Variants in CFAP20DC observed in about 807,000 individuals in gnomAD.
CFAP20DC encodes protein CFAP20DC.
Under a neutral mutation model 101.7 loss-of-function variants are expected in CFAP20DC, and 84 were observed. The observed-to-expected ratio is 0.83, with a 90% confidence interval of 0.69 to 0.99. CFAP20DC has a LOEUF of 0.99. Ranked by LOEUF, CFAP20DC falls within the 50% of genes least tolerant of loss-of-function variation. The pLI is 0.00. For missense variants in CFAP20DC, 1,007 were observed against 970.3 expected (o/e 1.04, Z -0.50); for synonymous variants, 359 against 351.2 (o/e 1.02, Z -0.25).
At chr3:58,817,252 C>A (rs977841282) in intron 14 of CFAP20DC, among the ~76,000 whole-genome samples, 1 of 152,188 alleles carries the variant, frequency 6.6e-6, no homozygotes, top group African/African-American at 2.4e-5. Context: ...TCCAAAGGAA[C>A]GCAGTTCCTC....
At chr3:58,940,558 C>G (rs2088399535) in intron 4 of CFAP20DC, among the ~76,000 whole-genome samples, 1 of 152,114 alleles carries the variant, frequency 6.6e-6, no homozygotes, top group South Asian at 2.1e-4. Context: ...TGCCCTGGTA[C>G]TTTGTTGAAA....
At chr3:58,792,035 A>G (rs1232219164) in intron 15 of CFAP20DC, among the ~76,000 whole-genome samples, 1 of 152,204 alleles carries the variant, frequency 6.6e-6, no homozygotes, top group Non-Finnish European at 1.5e-5. Context: ...TAACTACTAT[A>G]GACAATAAAT....
chr3:58,872,939 G>T (rs1333562820), intron 7 of CFAP20DC, among the ~76,000 whole-genome samples: 8 of 150,294 alleles, frequency 5.3e-5, no homozygotes, highest in African/African-American at 2.0e-4. Flanking sequence ...CTGTCAGGCA[G>T]GTCCTCAGGC....
chr3:58,802,919 G>A (rs1427596287), intron 15 of CFAP20DC, among the ~76,000 whole-genome samples: 1 of 151,664 alleles, frequency 6.6e-6, no homozygotes, highest in Non-Finnish European at 1.5e-5. Flanking sequence ...AATAAAATGT[G>A]CATGAGTGAT....
intron 4 of CFAP20DC, among the ~76,000 whole-genome samples, chr3:58,968,103 G>C (rs1196716086): frequency 6.6e-6 from 1 of 152,150 alleles, no homozygotes; most frequent in Admixed American, 6.5e-5. Context: ...TCTTCATCCA[G>C]TCAGTCACTG....
Position 58,864,032 on chromosome 3 carries a change from A to G in CFAP20DC, c.1259-140T>C. 1 of 792,240 alleles carries G rather than the reference A, an allele frequency of 1.3e-6. No homozygotes were observed. The highest frequency in any genetic ancestry group is 3.8e-4 in the Middle Eastern group (1 of 2,608). 49.1% of individuals were successfully genotyped at this position (792,240 alleles called of 1,614,324 possible). A position where few individuals can be genotyped will look rare whatever the true frequency, so the allele number is the denominator to read the frequency against. ...CAGTGCAGTCACGCGATCTCGGCTC[A>G]CTGCAACCTCCGCCTCCCAACCTTC... On this transcript the variant is annotated intron_variant, in intron 11 of 16. Transcript: ENST00000482387. The surrounding 1 kb of genome is among the most constrained non-coding windows in gnomAD (Gnocchi z 4.7).
At chr3:58,842,528 T>C (rs969990730) in intron 13 of CFAP20DC, among the ~76,000 whole-genome samples, 4 of 151,830 alleles carry the variant, frequency 2.6e-5, no homozygotes, top group African/African-American at 9.7e-5. Context: ...CCACGGAATC[T>C]CGCTGATTGC....
chr3:58,916,424 C>A (rs972955587), intron 5 of CFAP20DC, among the ~76,000 whole-genome samples: 7 of 152,214 alleles, frequency 4.6e-5, no homozygotes, highest in Non-Finnish European at 7.4e-5. Context: ...CTTTTCTTAT[C>A]CATCATGGTC....
intron 14 of CFAP20DC, among the ~76,000 whole-genome samples, chr3:58,815,315 C>G (rs1291411107): frequency 6.7e-6 from 1 of 148,588 alleles, no homozygotes; most frequent in Non-Finnish European, 1.5e-5. Context: ...ATGTAGAAAG[C>G]TGAAACTGGA....
intron 7 of CFAP20DC, among the ~76,000 whole-genome samples, chr3:58,873,431 T>G (rs1423315770): frequency 6.6e-6 from 1 of 150,684 alleles, no homozygotes; most frequent in Non-Finnish European, 1.5e-5. Flanking sequence ...GAAGTCTGGA[T>G]AGCCATTCTG....
intron 4 of CFAP20DC, chr3:59,017,461 C>T (rs1165226894): frequency 1.3e-5 from 2 of 152,128 alleles, no homozygotes; most frequent in Non-Finnish European, 2.9e-5. Context: ...CGCAACTTTA[C>T]TGCTAAAAAT....
chr3:58,860,406 G>A (rs1410369895), intron 12 of CFAP20DC, among the ~76,000 whole-genome samples: 1 of 152,132 alleles, frequency 6.6e-6, no homozygotes, highest in Non-Finnish European at 1.5e-5. Flanking sequence ...ATCCTTTGCA[G>A]GCTTCCATAG....
chr3:58,873,175 A>G (rs1249368282), intron 7 of CFAP20DC, among the ~76,000 whole-genome samples: 254 of 87,118 alleles, frequency 2.9e-3, no homozygotes, highest in Middle Eastern at 0.022. Context: ...TGTAAGGCAG[A>G]TGTTCAAGCA....
rs893165128 is a variant in CFAP20DC at position 58,722,328 on chromosome 3, T to C, written c.198-4700A>G. Among the ~76,000 whole-genome samples the C allele has an allele frequency of 6.6e-6, 1 of 152,156 alleles. No individual in the cohort carries two copies. Among genetic ancestry groups the C allele is most frequent in the African/African-American group, 2.4e-5 (1 of 41,438 alleles). On this transcript the variant is annotated intron_variant, in intron 3 of 3. Transcript: ENST00000486145. This position sits in a 1 kb window ranked among gnomAD's most constrained non-coding sequence, Gnocchi z 4.5. The stretch of plus-strand genomic sequence containing the variant: ...TTAAGCTGTCCACGGAACCCATGCG[T>C]GTACTACTATGGTAGTGGTCTTATA...
intron 14 of CFAP20DC, among the ~76,000 whole-genome samples, chr3:58,830,134 T>C (rs540850268): frequency 5.3e-5 from 8 of 152,278 alleles, no homozygotes; most frequent in East Asian, 1.9e-4. Flanking sequence ...TATTTGATAG[T>C]TGTGTTTAAT....
chr3:58,759,943 T>A (rs955692360), intron 15 of CFAP20DC, among the ~76,000 whole-genome samples: 4 of 152,210 alleles, frequency 2.6e-5, no homozygotes, highest in Non-Finnish European at 5.9e-5. Context: ...TGTAGCCTTG[T>A]AGTATAGTTT....
chr3:58,759,841 T>C (rs1436693291), intron 15 of CFAP20DC, among the ~76,000 whole-genome samples: 1 of 152,228 alleles, frequency 6.6e-6, no homozygotes, highest in Non-Finnish European at 1.5e-5. Context: ...GATCAGATGG[T>C]TGTAGATATG....
At chr3:58,777,748 C>T (rs1206020315) in intron 15 of CFAP20DC, among the ~76,000 whole-genome samples, 1 of 152,118 alleles carries the variant, frequency 6.6e-6, no homozygotes, top group Non-Finnish European at 1.5e-5. Context: ...GGTCCATAAT[C>T]CTGCCACAGA....
intron 5 of CFAP20DC, among the ~76,000 whole-genome samples, chr3:58,937,239 G>C (rs9846231): frequency 0.094 from 14,316 of 152,128 alleles, 2,240 homozygotes; most frequent in African/African-American, 0.33. Context: ...TCTTTCCAGC[G>C]TCCACGCTTC....
Sources: allele counts gnomAD v4.1 joint callset (sites outside exome capture counted in the v4.1 genomes callset), GRCh38; gene constraint gnomAD v4.1.1; non-coding constraint Gnocchi (gnomAD v3.1); transcripts MANE v1.5; gene names NCBI Gene and HGNC (gene_info 2026-07-23, HGNC 2026-07-21).